Variants in SRGAP3 observed in about 807,000 individuals in gnomAD.
SRGAP3 encodes SLIT-ROBO Rho GTPase activating protein 3, also known as SLIT-ROBO Rho GTPase-activating protein 3.
Under a neutral mutation model 121.1 loss-of-function variants are expected in SRGAP3, and 39 were observed. The ratio of observed to expected loss-of-function variants is 0.32; its 90% CI spans 0.25 to 0.42. SRGAP3 has a LOEUF of 0.42. SRGAP3 is among the 10% of genes least tolerant of loss of function. The pLI, the probability that SRGAP3 is intolerant of heterozygous loss-of-function variation, is 1.00. For missense variants in SRGAP3, 1,213 were observed against 1,470.6 expected, an observed-to-expected ratio of 0.82 and a Z score of 2.86; for synonymous variants, 601 against 570.0, an observed-to-expected ratio of 1.05 and a Z score of -0.77.
At chr3:9,080,262 A>G (rs552183787) in intron 3 of SRGAP3, among the ~76,000 whole-genome samples, 175 bp from the exon 4 acceptor site, 1 of 152,358 alleles carries the variant, frequency 6.6e-6, no homozygotes, top group South Asian at 2.1e-4. Context: ...TGTCCATGAA[A>G]CAAACCCACA....
chr3:9,032,375 C>T (rs1268575640), intron 12 of SRGAP3, among the ~76,000 whole-genome samples: 1 of 152,202 alleles, frequency 6.6e-6, no homozygotes, highest in Non-Finnish European at 1.5e-5. Context: ...TGAAGTGTGG[C>T]ATTTCAGCCA....
chr3:9,362,158 A>G (rs1242379416), intron 1 of SRGAP3, among the ~76,000 whole-genome samples: 1 of 143,008 alleles, frequency 7.0e-6, no homozygotes, highest in Non-Finnish European at 1.5e-5. Context: ...ATGCAGGTTC[A>G]ACTCTTTTTT....
chr3:9,094,906 C>T (rs1232828644), intron 3 of SRGAP3, among the ~76,000 whole-genome samples: 2 of 152,006 alleles, frequency 1.3e-5, no homozygotes, highest in African/African-American at 4.8e-5. Flanking sequence ...CAAGCACACA[C>T]CACCACACCT....
chr3:9,320,901 T>TTA lies in SRGAP3; in HGVS notation n.442+5107_442+5108dup, dbSNP rs769918525. On this transcript the variant is annotated intron_variant and non_coding_transcript_variant, in intron 3 of 3. Transcript: ENST00000490889. ...TCTGAATAATGAAAATATGTTCACA[T>TTA]TATATATATATAGTGTGTATATACA... 9.4e-4 allele frequency among the ~76,000 whole-genome samples: 143 copies of TTA among 151,692 alleles called. 1 individual carries two copies. The highest frequency in any genetic ancestry group is 1.4e-3 in the Non-Finnish European group (95 of 67,942).
At position 9,242,077 on chromosome 3, in the gene SRGAP3, CAAAAAAA is replaced by C. The variant is rs142186507; in HGVS notation, c.67+6801_67+6807del. ...TGGCTGACAGAATGACACCCTAATT[CAAAAAAA>C]AAAAAAAAAAAAAAAGAGGAAGGAG... On this transcript the variant is annotated intron_variant, in intron 1 of 21. Coordinates refer to ENST00000383836, the MANE Select transcript of SRGAP3 (RefSeq NM_014850.4). Among the ~76,000 whole-genome samples, 96 of 68,514 alleles carry C rather than the reference CAAAAAAA, an allele frequency of 1.4e-3. 1 individual carries two copies. The highest frequency in any genetic ancestry group is 4.1e-3 in the African/African-American group (81 of 19,836). 44.9% of individuals were successfully genotyped at this position (68,514 alleles called of 152,430 possible).
intron 18 of SRGAP3, among the ~76,000 whole-genome samples, chr3:9,003,322 A>G (rs915875956): frequency 6.6e-6 from 1 of 152,152 alleles, no homozygotes; most frequent in African/African-American, 2.4e-5. Context: ...TACTGAAAAT[A>G]CAAAAAATTA....
intron 18 of SRGAP3, among the ~76,000 whole-genome samples, chr3:8,998,339 G>A (rs1942539781): frequency 6.6e-6 from 1 of 152,134 alleles, no homozygotes; most frequent in East Asian, 1.9e-4. Flanking sequence ...TGTGCCGTTT[G>A]CTAATTTCAT....
At chr3:9,276,962 A>G (rs1954594658) in intron 3 of SRGAP3, among the ~76,000 whole-genome samples, 1 of 152,248 alleles carries the variant, frequency 6.6e-6, no homozygotes, top group Non-Finnish European at 1.5e-5. Context: ...AGAGCTCTTA[A>G]CCAGCACGTT....
At position 8,984,470 on chromosome 3, in the gene SRGAP3, A is replaced by T. The variant is rs1015398115; in HGVS notation, c.*1049T>A. 1.3e-5 allele frequency: 3 copies of T among 232,442 alleles called. No individual in the cohort carries two copies. Among genetic ancestry groups the T allele is most frequent in the Non-Finnish European group, 2.6e-5 (3 of 117,540 alleles). The allele number at this position is 232,442 out of a possible 1,614,324, so 14.4% of individuals were successfully genotyped here. On this transcript the variant is annotated 3_prime_UTR_variant, in exon 22 of 22. Coordinates refer to ENST00000383836, the MANE Select transcript of SRGAP3 (RefSeq NM_014850.4). ...AATTAAATAGTTTGAAAATGATATA[A>T]GTTAAACCTCTATAGTTACCACAGA... is the stretch of plus-strand genomic sequence containing the variant.
At chr3:9,152,989 C>G (rs752657852) in intron 1 of SRGAP3, among the ~76,000 whole-genome samples, 32 of 152,238 alleles carry the variant, frequency 2.1e-4, no homozygotes, top group Non-Finnish European at 4.4e-4. Flanking sequence ...CTTTGCCTGG[C>G]TTCCACAGTC....
chr3:9,298,640 T>G (rs35984519), intron 3 of SRGAP3, among the ~76,000 whole-genome samples: 22,135 of 152,226 alleles, frequency 0.15, 1,886 homozygotes, highest in South Asian at 0.2. Context: ...CTTTCAGGTT[T>G]AGGCATTAAG....
chr3:9,073,835 T>A (rs1012575139), intron 4 of SRGAP3, among the ~76,000 whole-genome samples: 2 of 152,218 alleles, frequency 1.3e-5, no homozygotes, highest in African/African-American at 2.4e-5. Context: ...AAAACAGGAA[T>A]GTGTGGGATA....
intron 18 of SRGAP3, 131 bp downstream of exon 18, chr3:9,010,177 T>C: frequency 9.0e-7 from 1 of 1,112,232 alleles, no homozygotes; most frequent in South Asian, 1.3e-5. Context: ...TCTTCGTCTA[T>C]TCTGAAGGAC....
intron 1 of SRGAP3, chr3:9,348,453 A>C (rs1258204670): frequency 7.5e-6 from 5 of 664,700 alleles, no homozygotes; most frequent in Middle Eastern, 8.6e-4. Context: ...ATGGCTGCCT[A>C]CAAATTGGTG....
intron 3 of SRGAP3, 118 bp from the exon 4 acceptor site, chr3:9,080,205 A>C (rs1947173806): frequency 2.2e-6 from 2 of 901,752 alleles, no homozygotes; most frequent in South Asian, 3.0e-5. Context: ...GGGTACAGAA[A>C]TCAGCATAAA....
rs996052137 is a variant in SRGAP3 at position 8,982,198 on chromosome 3, T to C, written c.*3321A>G. ...ACAACTTGCTGGTTCATTCCTAGAA[T>C]AGACTGAACGTCGGTTACACATAAA... On this transcript the variant is annotated 3_prime_UTR_variant, in exon 22 of 22. Transcript: ENST00000383836. 3 of 225,580 alleles carry C rather than the reference T, an allele frequency of 1.3e-5. No homozygotes were observed. Among genetic ancestry groups the C allele is most frequent in the Admixed American group, 5.7e-5 (1 of 17,468 alleles). 14.0% of individuals were successfully genotyped at this position (225,580 alleles called of 1,614,324 possible).
intron 3 of SRGAP3, among the ~76,000 whole-genome samples, chr3:9,098,096 A>C: frequency 6.7e-6 from 1 of 150,286 alleles, no homozygotes; most frequent in Non-Finnish European, 1.5e-5. Flanking sequence ...CCTTACCCAA[A>C]CCTCCCCCTC....
At chr3:9,076,685 T>C (rs1946988835) in intron 4 of SRGAP3, among the ~76,000 whole-genome samples, 1 of 152,100 alleles carries the variant, frequency 6.6e-6, no homozygotes, top group Admixed American at 6.5e-5. Context: ...TCTGAATCTT[T>C]TTCCTTCTTG....
intron 1 of SRGAP3, chr3:9,192,924 A>G (rs1951802321): frequency 1.3e-5 from 2 of 154,946 alleles, no homozygotes; most frequent in African/African-American, 2.4e-5. Flanking sequence ...AGGGGAATGG[A>G]TGGGGGAGCT....
Sources: allele counts gnomAD v4.1 joint callset (sites outside exome capture counted in the v4.1 genomes callset), GRCh38; gene constraint gnomAD v4.1.1; transcripts MANE v1.5; gene names NCBI Gene and HGNC (gene_info 2026-07-23, HGNC 2026-07-21).